SMYD3: variants seen among roughly 807,000 people sequenced by gnomAD.
SMYD3 encodes the protein histone-lysine N-methyltransferase SMYD3.
SMYD3 carries 36 observed loss-of-function variants against 57.7 expected under a neutral mutation model. The observed-to-expected ratio is 0.62, with a 90% confidence interval of 0.48 to 0.82. The LOEUF is 0.82. Ranked by LOEUF, SMYD3 falls within the 40% of genes least tolerant of loss-of-function variation. The pLI is 0.00. For synonymous variants in SMYD3, 211 were observed against 195.0 expected (o/e 1.08, Z -0.68); for missense variants, 515 against 538.8 (o/e 0.96, Z 0.44).
chr1:246,135,321 T>G (rs1264597405), intron 5 of SMYD3, among the ~76,000 whole-genome samples: 1 of 152,170 alleles, frequency 6.6e-6, no homozygotes, highest in Non-Finnish European at 1.5e-5. Context: ...AAAAGTTTTT[T>G]ATTAATTAAT....
intron 1 of SMYD3, among the ~76,000 whole-genome samples, chr1:246,398,700 G>C (rs2066716207): frequency 1.3e-5 from 2 of 152,322 alleles, no homozygotes; most frequent in Admixed American, 1.3e-4. Flanking sequence ...GCTCAGGTTA[G>C]TCAGATCAGC....
At chr1:246,393,372 C>T (rs1002851255) in intron 1 of SMYD3, among the ~76,000 whole-genome samples, 15 of 152,136 alleles carry the variant, frequency 9.9e-5, no homozygotes, top group Non-Finnish European at 1.9e-4. Flanking sequence ...AGGATTCCTA[C>T]ATACATCACA....
chr1:246,224,617 G>T (rs2063301948), intron 5 of SMYD3, among the ~76,000 whole-genome samples: 1 of 151,738 alleles, frequency 6.6e-6, no homozygotes, highest in Non-Finnish European at 1.5e-5. Flanking sequence ...AAAGAATATA[G>T]AGGAGCAGGA....
Position 245,872,449 on chromosome 1 carries a change from C to T in SMYD3, c.814-8563G>A, listed in dbSNP as rs527349456. On this transcript the variant is annotated intron_variant, in intron 8 of 11. Transcript: ENST00000490107. ...GAGTTCCTGCCGCCTTCTCCTTCAC[C>T]GGCCTCCCTGAGCTGGCCGACCCCA... 4.6e-5 allele frequency among the ~76,000 whole-genome samples: 6 copies of T among 129,548 alleles called. No homozygotes were observed. In the South Asian group the frequency reaches 1.1e-3, roughly 23 times the overall value. 85.0% of individuals were successfully genotyped at this position (129,548 alleles called of 152,430 possible).
chr1:245,768,401 G>T (rs1475069735), intron 10 of SMYD3, among the ~76,000 whole-genome samples: 1 of 152,176 alleles, frequency 6.6e-6, no homozygotes, highest in African/African-American at 2.4e-5. Context: ...AAGTCAAAAG[G>T]ACATGGAGAA....
At chr1:246,277,342 TAA>T (rs2064354912) in intron 5 of SMYD3, among the ~76,000 whole-genome samples, 1 of 152,106 alleles carries the variant, frequency 6.6e-6, no homozygotes, top group South Asian at 2.1e-4. Context: ...TGGCTAAAAT[TAA>T]AAAGAGACTA....
At chr1:245,989,671 ACATTCTCCATCTTG>A (rs1458102365) in intron 5 of SMYD3, among the ~76,000 whole-genome samples, 2 of 152,210 alleles carry the variant, frequency 1.3e-5, no homozygotes, top group East Asian at 3.8e-4. Flanking sequence ...AGAGAGAAAA[ACATTCTCCATCTTG>A]CACTGCTGAT....
chr1:245,891,556 C>T (rs1007903073), intron 8 of SMYD3, among the ~76,000 whole-genome samples: 2 of 152,228 alleles, frequency 1.3e-5, no homozygotes, highest in Admixed American at 1.3e-4. Context: ...CTCAGCTGTA[C>T]TTCCCTTCCT....
chr1:246,369,359 A>T (rs2066156869), intron 1 of SMYD3, among the ~76,000 whole-genome samples: 1 of 152,178 alleles, frequency 6.6e-6, no homozygotes, highest in Admixed American at 6.5e-5. Context: ...AATGTTTATA[A>T]TCCTTAGAAT....
chr1:246,160,595 T>G (rs1169257479), intron 5 of SMYD3, among the ~76,000 whole-genome samples: 1 of 152,172 alleles, frequency 6.6e-6, no homozygotes, highest in Non-Finnish European at 1.5e-5. Context: ...GTAATTGAGT[T>G]TCCCGAGGAA....
At chr1:246,041,741 G>C (rs1432983996) in intron 5 of SMYD3, among the ~76,000 whole-genome samples, 1 of 152,080 alleles carries the variant, frequency 6.6e-6, no homozygotes, top group East Asian at 1.9e-4. Flanking sequence ...AGAATTGGAG[G>C]GGGTATAACC....
At chr1:245,776,621 T>A (rs2362927) in intron 10 of SMYD3, among the ~76,000 whole-genome samples, 35,210 of 152,136 alleles carry the variant, frequency 0.23, 5,048 homozygotes, top group East Asian at 0.47. Flanking sequence ...TGCCAAGTAC[T>A]CAGAGCCCAC....
intron 5 of SMYD3, among the ~76,000 whole-genome samples, chr1:246,286,912 T>A (rs2064579649): frequency 6.6e-6 from 1 of 151,176 alleles, no homozygotes. Flanking sequence ...TGCTCTATCA[T>A]CCATGTTGGA....
chr1:246,224,091 A>G (rs2063293744), intron 5 of SMYD3, among the ~76,000 whole-genome samples: 1 of 152,058 alleles, frequency 6.6e-6, no homozygotes, highest in Non-Finnish European at 1.5e-5. Context: ...TTTTTCATAC[A>G]CTGCCTACCA....
intron 8 of SMYD3, among the ~76,000 whole-genome samples, chr1:245,903,323 C>T (rs2148620132): frequency 6.6e-6 from 1 of 152,168 alleles, no homozygotes; most frequent in South Asian, 2.1e-4. Context: ...TGAAGAAAGC[C>T]TAAGTGACAT....
intron 10 of SMYD3, among the ~76,000 whole-genome samples, chr1:245,771,875 G>GA (rs923491093): frequency 1.3e-5 from 2 of 150,782 alleles, no homozygotes; most frequent in Non-Finnish European, 3.0e-5. Flanking sequence ...AACCAAAGGG[G>GA]AAAAAAAAAG....
intron 8 of SMYD3, among the ~76,000 whole-genome samples, chr1:245,894,187 T>A (rs562830852): frequency 6.6e-6 from 1 of 152,018 alleles, no homozygotes; most frequent in Non-Finnish European, 1.5e-5. Flanking sequence ...CACCAATCAG[T>A]GCTCTGTAAA....
chr1:246,488,986 T>C (rs756019332), intron 1 of SMYD3, among the ~76,000 whole-genome samples: 3 of 150,176 alleles, frequency 2.0e-5, no homozygotes, highest in Non-Finnish European at 4.5e-5. Flanking sequence ...TAACAAGTCC[T>C]CTCTCTCTCT....
At chr1:245,898,862 A>G (rs1468798151) in intron 8 of SMYD3, among the ~76,000 whole-genome samples, 2 of 152,228 alleles carry the variant, frequency 1.3e-5, no homozygotes, top group Admixed American at 1.3e-4. Context: ...TGGTCTGTTC[A>G]GCTCCTATTG....
Sources: gnomAD v4.1 joint callset for allele counts (sites outside exome capture counted in the v4.1 genomes callset) on GRCh38, gnomAD v4.1.1 for gene constraint, MANE v1.5 for transcripts, NCBI Gene and HGNC (gene_info 2026-07-23, HGNC 2026-07-21) for gene names.